The following ELOC variants were observed in gnomAD, a reference collection of about 807,000 sequenced individuals.
The protein encoded by ELOC is elongin C.
For missense variants in ELOC, 38 were observed against 139.0 expected (o/e 0.27, Z 3.65); for synonymous variants, 40 against 51.3 (o/e 0.78, Z 0.94).
chr8:73,954,864 C>A (rs778567659), intron 3 of ELOC, among the ~76,000 whole-genome samples: 12 of 151,100 alleles, frequency 7.9e-5, no homozygotes, highest in African/African-American at 2.9e-4. Context: ...AAAACCCCGT[C>A]TCTACTAAAA....
chr8:73,957,042 G>A (rs1024243486), intron 2 of ELOC, among the ~76,000 whole-genome samples: 3 of 151,894 alleles, frequency 2.0e-5, no homozygotes, highest in African/African-American at 4.8e-5. Context: ...GCGTGGTGGC[G>A]GGTGCCTGTA....
At chr8:73,967,514 C>T (rs990536851) in intron 1 of ELOC, among the ~76,000 whole-genome samples, 2 of 148,400 alleles carry the variant, frequency 1.3e-5, no homozygotes, top group Non-Finnish European at 3.0e-5. Flanking sequence ...GTTACCCAGG[C>T]TGGAGTGCAG....
chr8:73,961,076 G>A (rs1253294943), intron 1 of ELOC, among the ~76,000 whole-genome samples: 2 of 152,032 alleles, frequency 1.3e-5, no homozygotes, highest in Non-Finnish European at 2.9e-5. Flanking sequence ...CAATAAAGTG[G>A]TTAAAAATGT....
chr8:73,957,460 A>G, intron 2 of ELOC, among the ~76,000 whole-genome samples: 1 of 152,324 alleles, frequency 6.6e-6, no homozygotes, highest in East Asian at 1.9e-4. Flanking sequence ...CATGTGAAAT[A>G]AAATAGCTTA....
In ELOC at chr8:73,959,755, T is replaced by C. The variant is rs766258739; in HGVS notation, c.4+10A>G. 5.8e-6 allele frequency: 9 copies of C among 1,560,898 alleles called. No homozygotes were observed. The Admixed American group carries it at 5.9e-5, about 10-fold the overall frequency. On this transcript the variant is annotated intron_variant, in intron 2 of 3. Transcript: ENST00000520242. ...TAGTTAAAACACAAAATTAATTATC[T>C]TTAGCTTACCCATTTTGTTCTTATG...
intron 3 of ELOC, among the ~76,000 whole-genome samples, chr8:73,951,051 G>A (rs1813722865): frequency 6.6e-6 from 1 of 152,150 alleles, no homozygotes; most frequent in African/African-American, 2.4e-5. Flanking sequence ...CAGGTGGATT[G>A]CTTGAGGTCA....
intron 2 of ELOC, among the ~76,000 whole-genome samples, chr8:73,957,782 GTTTA>G (rs915737205): frequency 8.6e-5 from 13 of 150,794 alleles, no homozygotes; most frequent in African/African-American, 3.2e-4. Context: ...CCAACTATTT[GTTTA>G]TTTATTTTTA....
At chr8:73,948,503 G>A (rs1813529662) in intron 3 of ELOC, among the ~76,000 whole-genome samples, 1 of 152,156 alleles carries the variant, frequency 6.6e-6, no homozygotes, top group Admixed American at 6.6e-5. Flanking sequence ...CCAGGAGGTG[G>A]AAGTTGCAGT....
chr8:73,945,928 T>C lies in ELOC; in HGVS notation c.*702A>G, dbSNP rs956282783. 23 of 152,228 alleles carry C rather than the reference T, an allele frequency of 1.5e-4. No individual in the cohort carries two copies. Among genetic ancestry groups the C allele is most frequent in the African/African-American group, 4.8e-4 (20 of 41,458 alleles). The allele number at this position is 152,228 out of a possible 1,614,324, so 9.4% of individuals were successfully genotyped here. A position where few individuals can be genotyped will look rare whatever the true frequency, so the allele number is the denominator to read the frequency against. On this transcript the variant is annotated 3_prime_UTR_variant, in exon 4 of 4. Coordinates refer to ENST00000520242, the MANE Select transcript of ELOC (RefSeq NM_005648.4). ...TTATAGTCAATGCAAATACAGTACT[T>C]TGAATTACCCAAAATGTATAATGCA...
intron 1 of ELOC, among the ~76,000 whole-genome samples, chr8:73,963,952 G>C (rs915587955): frequency 1.2e-4 from 18 of 151,976 alleles, no homozygotes; most frequent in African/African-American, 3.9e-4. Flanking sequence ...AATTAGCTGG[G>C]TGTAGTAGTG....
chr8:73,959,447 T>G (rs1814441703), intron 2 of ELOC, among the ~76,000 whole-genome samples: 1 of 152,170 alleles, frequency 6.6e-6, no homozygotes, highest in African/African-American at 2.4e-5. Context: ...TCTTTTTAAA[T>G]TTTTTTGTTA....
chr8:73,962,337 C>G (rs1231538084), intron 1 of ELOC, among the ~76,000 whole-genome samples: 1 of 152,184 alleles, frequency 6.6e-6, no homozygotes, highest in East Asian at 1.9e-4. Context: ...GGTCTGACTT[C>G]ACAGCCCACA....
At chr8:73,955,879 A>G (rs765637845) in intron 3 of ELOC, 32 bp downstream of exon 3, 1 of 1,571,174 alleles carries the variant, frequency 6.4e-7, no homozygotes, top group Admixed American at 1.9e-5. Flanking sequence ...TTAAAAGTGA[A>G]TATATGAAGA....
chr8:73,946,698 G>A lies in ELOC; in HGVS notation c.271C>T (p.Pro91Ser). The change falls in exon 4 of 4, where the codon CCT becomes TCT. Residue 91 changes from proline (P) to serine (S), a missense_variant. Pro to Ser is a moderately conservative substitution (Grantham distance 74). Coordinates refer to ENST00000520242, the MANE Select transcript of ELOC (RefSeq NM_005648.4). ...VRYTNSSTEI[P>S]EFPIAPEIAL... ...ATTTCAGGTGCAATTGGGAATTCAG[G>A]AATCTCGGTGGAGCTGTTAGTGTAG... is the stretch of plus-strand genomic sequence containing the variant. 6.2e-7 allele frequency: 1 copy of A among 1,612,998 alleles called. No homozygotes were observed. The highest frequency in any genetic ancestry group is 1.1e-5 in the South Asian group (1 of 90,688).
chr8:73,960,435 C>A (rs1814512227), intron 1 of ELOC, among the ~76,000 whole-genome samples: 1 of 152,116 alleles, frequency 6.6e-6, no homozygotes, highest in Non-Finnish European at 1.5e-5. Context: ...TCATAATGGG[C>A]CTTTGGATAG....
chr8:73,965,037 A>C (rs1814875117), intron 1 of ELOC, among the ~76,000 whole-genome samples: 1 of 39,734 alleles, frequency 2.5e-5, no homozygotes, highest in African/African-American at 1.1e-4. Context: ...AAAACAAACC[A>C]AAAAAAAAAA....
chr8:73,962,844 G>A (rs914532598), intron 1 of ELOC, among the ~76,000 whole-genome samples: 3 of 152,094 alleles, frequency 2.0e-5, no homozygotes, highest in African/African-American at 7.2e-5. Flanking sequence ...CCTTTGAAAG[G>A]GAAAATCAAC....
chr8:73,964,641 A>C (rs541164559), intron 1 of ELOC: 15 of 152,268 alleles, frequency 9.9e-5, no homozygotes, highest in African/African-American at 3.4e-4. Flanking sequence ...TCAAAAAACA[A>C]AACAAAAATC....
chr8:73,957,953 AT>A (rs1563679053), intron 2 of ELOC, among the ~76,000 whole-genome samples: 1 of 151,496 alleles, frequency 6.6e-6, no homozygotes, highest in Non-Finnish European at 1.5e-5. Flanking sequence ...TAATTTTTGT[AT>A]TTAGTAGAGA....
Sources: allele counts gnomAD v4.1 joint callset (sites outside exome capture counted in the v4.1 genomes callset), GRCh38; gene constraint gnomAD v4.1.1; transcripts MANE v1.5; gene names NCBI Gene and HGNC (gene_info 2026-07-23, HGNC 2026-07-21).